Variants in COPG1 observed in about 807,000 individuals in gnomAD.
COPG1 encodes the protein coat protein complex I subunit gamma 1.
Under a neutral mutation model 102.8 loss-of-function variants are expected in COPG1, and 29 were observed. The ratio of observed to expected loss-of-function variants is 0.28; its 90% CI spans 0.21 to 0.38. COPG1 has a LOEUF of 0.38. COPG1 is among the 10% of genes least tolerant of loss of function. The pLI is 1.00. For synonymous variants in COPG1, 406 were observed against 421.6 expected, an observed-to-expected ratio of 0.96 and a Z score of 0.45; for missense variants, 875 against 1,132.7, an observed-to-expected ratio of 0.77 and a Z score of 3.27.
At chr3:129,264,196 T>C (rs1940008393) in intron 13 of COPG1, among the ~76,000 whole-genome samples, 197 bp downstream of exon 13, 1 of 152,218 alleles carries the variant, frequency 6.6e-6, no homozygotes, top group Admixed American at 6.5e-5. Context: ...GTAATAACTA[T>C]GACTCACCAG....
intron 17 of COPG1, 44 bp downstream of exon 17, chr3:129,268,664 T>C (rs200850801): frequency 5.0e-5 from 80 of 1,605,034 alleles, no homozygotes; most frequent in Middle Eastern, 1.7e-4. Context: ...GCCAGGCCTC[T>C]GTTGGAGGGT....
chr3:129,250,574 T>C (rs895148505), intron 1 of COPG1, 108 bp from the exon 2 acceptor site: 8 of 879,516 alleles, frequency 9.1e-6, no homozygotes, highest in Admixed American at 6.1e-5. Context: ...CTGAGGAGTT[T>C]GAACTTTACT....
chr3:129,273,583 G>A (rs1289435021), intron 21 of COPG1, among the ~76,000 whole-genome samples: 3 of 152,132 alleles, frequency 2.0e-5, no homozygotes, highest in Non-Finnish European at 2.9e-5. Context: ...TTAAAATACT[G>A]TTATATACTA....
At chr3:129,261,191 A>G (rs1939919277) in intron 12 of COPG1, among the ~76,000 whole-genome samples, 2 of 152,224 alleles carry the variant, frequency 1.3e-5, no homozygotes, top group African/African-American at 2.4e-5. Context: ...GAGGAACAGT[A>G]AACAGGTAAA....
chr3:129,271,718 G>C lies in COPG1; in HGVS notation c.1844-49G>C. On this transcript the variant is annotated intron_variant, in intron 18 of 23. Transcript: ENST00000314797. The surrounding 1 kb of genome is among the most constrained non-coding windows in gnomAD (Gnocchi z 4.7). ...GGAATTTATTAGAAACCATCAACAA[G>C]TTGGTCTGGGGATCGAGAAGCTGAG... 1 of 1,605,744 alleles carries C rather than the reference G, an allele frequency of 6.2e-7. No individual in the cohort carries two copies. Among genetic ancestry groups the C allele is most frequent in the Non-Finnish European group, 8.5e-7 (1 of 1,174,872 alleles).
In COPG1 at chr3:129,277,294, G is replaced by A; in HGVS notation, c.2495G>A (p.Gly832Asp). 1 of 1,613,774 alleles carries A rather than the reference G, an allele frequency of 6.2e-7. No individual in the cohort carries two copies. Among genetic ancestry groups the A allele is most frequent in the Non-Finnish European group, 8.5e-7 (1 of 1,179,896 alleles). Reference sequence around the variant, plus strand: ...TCTGTACTTCTCTCTTCCCTTCTAGGTGTGTTCCGGGGTGGTCATGACATC... The same window carrying A: ...TCTGTACTTCTCTCTTCCCTTCTAGATGTGTTCCGGGGTGGTCATGACATC... ...NKNTHTLLLA[G>D]VFRGGHDILV... Residue 832 changes from glycine to aspartate, a missense_variant and splice_region_variant, in exon 24 of 24, where the codon GGT becomes GAT. By Grantham distance (94) the Gly-to-Asp change is moderately conservative. Coordinates refer to ENST00000314797, the MANE Select transcript of COPG1 (RefSeq NM_016128.4).
chr3:129,250,756 C>G (rs370174152), intron 2 of COPG1, 22 bp downstream of exon 2: 27 of 1,604,926 alleles, frequency 1.7e-5, no homozygotes, highest in Non-Finnish European at 2.2e-5. Flanking sequence ...TTGCTCCCCT[C>G]TAGCTTCCAT....
chr3:129,260,666 G>A lies in COPG1; in HGVS notation c.987G>A (p.Leu329=). 6.2e-7 allele frequency: 1 copy of A among 1,614,104 alleles called. No individual in the cohort carries two copies. The change falls in exon 12 of 24, where the codon CTG becomes CTA. Residue 329 remains leucine, a synonymous_variant. Coordinates refer to ENST00000314797, the MANE Select transcript of COPG1 (RefSeq NM_016128.4). The stretch of plus-strand genomic sequence containing the variant: ...CTGTGACAGCTTGTAATCTGGATCT[G>A]GAGAACCTGGTCACAGATTCAAACC... ...PSAVTACNLD[L]ENLVTDSNRS... is the part of the protein sequence containing the mutation.
chr3:129,268,894 C>T, intron 17 of COPG1, 38 bp from the exon 18 acceptor site: 1 of 1,584,984 alleles, frequency 6.3e-7, no homozygotes, highest in Non-Finnish European at 8.7e-7. Flanking sequence ...CCCGTGACTC[C>T]AGCTGTTGGT....
chr3:129,250,183 A>G (rs1215670771), intron 1 of COPG1, among the ~76,000 whole-genome samples: 2 of 152,188 alleles, frequency 1.3e-5, no homozygotes, highest in East Asian at 3.8e-4. Context: ...TTGAGCAGTT[A>G]CTGTATGCCA....
In COPG1 at chr3:129,271,637, TG is replaced by T; in HGVS notation, c.1844-127del. 1 of 1,095,232 alleles carries T rather than the reference TG, an allele frequency of 9.1e-7. No individual in the cohort carries two copies. Among genetic ancestry groups the T allele is most frequent in the African/African-American group, 1.6e-5 (1 of 63,704 alleles). The allele number at this position is 1,095,232 out of a possible 1,614,324, so 67.8% of individuals were successfully genotyped here. Reference sequence around the variant, plus strand: ...ATTCAGGAAATAATGAGTAGCCAGTTGGGTAAACATATCTATCCATCTAAGG... The same window carrying T: ...ATTCAGGAAATAATGAGTAGCCAGTTGGTAAACATATCTATCCATCTAAGG... On this transcript the variant is annotated intron_variant, in intron 18 of 23. Transcript: ENST00000314797. This position sits in a 1 kb window ranked among gnomAD's most constrained non-coding sequence, Gnocchi z 4.7.
chr3:129,258,518 T>C (rs1257456489), intron 10 of COPG1, among the ~76,000 whole-genome samples: 3 of 152,286 alleles, frequency 2.0e-5, no homozygotes, highest in Non-Finnish European at 2.9e-5. Flanking sequence ...AGTGCAGTGG[T>C]GCGATCTCAG....
intron 12 of COPG1, among the ~76,000 whole-genome samples, chr3:129,262,917 G>A (rs1939953398): frequency 6.6e-6 from 1 of 151,888 alleles, no homozygotes; most frequent in Admixed American, 6.6e-5. Context: ...CCACTCCGGA[G>A]GCTGAGGTAG....
intron 2 of COPG1, among the ~76,000 whole-genome samples, chr3:129,251,541 C>A (rs531863454): frequency 1.3e-5 from 2 of 151,816 alleles, no homozygotes; most frequent in East Asian, 3.9e-4. Flanking sequence ...CGCCACTATG[C>A]CTGGCTGATT....
chr3:129,272,981 C>T, intron 21 of COPG1, 77 bp downstream of exon 21: 1 of 725,476 alleles, frequency 1.4e-6, no homozygotes, highest in Non-Finnish European at 2.3e-6. Flanking sequence ...GACAGTGAGA[C>T]TGGAGCTGTT....
In COPG1 at chr3:129,252,929, A is replaced by G. The variant is rs1157594759; in HGVS notation, c.297A>G (p.Ala99=). The G allele has an allele frequency of 6.2e-7, 1 of 1,614,178 alleles. No individual in the cohort carries two copies. Among genetic ancestry groups the G allele is most frequent in the Admixed American group, 1.7e-5 (1 of 60,024 alleles). ...CCATCAAGGAGATGTCTTGCATTGC[A>G]GAGGATGTCATCATTGTCACCAGCA... ...YLTIKEMSCI[A]EDVIIVTSSL... is the part of the protein sequence containing the mutation. Residue 99 remains alanine (A), a synonymous_variant, in exon 5 of 24, where the codon GCA becomes GCG. Transcript: ENST00000314797.
At chr3:129,274,766 G>A in intron 21 of COPG1, 72 bp from the exon 22 acceptor site, 1 of 1,528,572 alleles carries the variant, frequency 6.5e-7, no homozygotes, top group Non-Finnish European at 9.0e-7. Context: ...AGGAAGGGAT[G>A]TGTGGATGAG....
chr3:129,275,640 C>T lies in COPG1; in HGVS notation c.2494+348C>T, dbSNP rs1254978182. 6.6e-6 allele frequency among the ~76,000 whole-genome samples: 1 copy of T among 152,148 alleles called. No homozygotes were observed. Among genetic ancestry groups the T allele is most frequent in the African/African-American group, 2.4e-5 (1 of 41,432 alleles). On this transcript the variant is annotated intron_variant, in intron 23 of 23. Transcript: ENST00000314797. The surrounding 1 kb of genome is among the most constrained non-coding windows in gnomAD (Gnocchi z 5.0). ...GTCCTCCGATTTGCTTTTCACTTTA[C>T]ATTGCATCTTAGAGATCTTCCCCGT... is the stretch of plus-strand genomic sequence containing the variant.
At position 129,274,917 on chromosome 3, in the gene COPG1, T is replaced by C. The variant is rs1940237446; in HGVS notation, c.2336T>C (p.Val779Ala). ...AACTTCGAAGCAGCCTGGGATGAGGTAGGGGATGAATTTGAGAAGGAGGAA... is the reference window on the plus strand; with the variant it reads ...AACTTCGAAGCAGCCTGGGATGAGGCAGGGGATGAATTTGAGAAGGAGGAA... The part of the protein sequence containing the change: ...KLNFEAAWDE[V>A]GDEFEKEETF... The change falls in exon 22 of 24, where the codon GTA becomes GCA. Residue 779 changes from valine (V) to alanine (A), a missense_variant. Transcript: ENST00000314797. 1 of 1,613,990 alleles carries C rather than the reference T, an allele frequency of 6.2e-7. No homozygotes were observed. Among genetic ancestry groups the C allele is most frequent in the Non-Finnish European group, 8.5e-7 (1 of 1,179,978 alleles).
Sources: gnomAD v4.1 joint callset for allele counts (sites outside exome capture counted in the v4.1 genomes callset) on GRCh38, gnomAD v4.1.1 for gene constraint, Gnocchi (gnomAD v3.1) non-coding constraint, MANE v1.5 for transcripts, NCBI Gene and HGNC (gene_info 2026-07-23, HGNC 2026-07-21) for gene names.